BCAS3: variants seen among roughly 807,000 people sequenced by gnomAD.
The protein encoded by BCAS3 is BCAS3 microtubule associated cell migration factor, also known as BCAS4/BCAS3 fusion.
A neutral mutation model predicts 116.1 loss-of-function variants in BCAS3; 53 were observed. That is an observed-to-expected ratio of 0.46 (90% CI 0.37 to 0.57). The LOEUF (loss-of-function observed/expected upper bound fraction) is 0.57, where lower values mean the gene tolerates loss of function less well. Ranked by LOEUF, BCAS3 falls within the 20% of genes least tolerant of loss-of-function variation. The pLI is 0.00. For synonymous variants in BCAS3, 391 were observed against 408.2 expected (o/e 0.96, Z 0.51); for missense variants, 917 against 1,165.4 (o/e 0.79, Z 3.10).
chr17:61,129,450 G>C (rs1243342755), intron 22 of BCAS3, among the ~76,000 whole-genome samples: 1 of 152,198 alleles, frequency 6.6e-6, no homozygotes, highest in Non-Finnish European at 1.5e-5. Context: ...CTGAGCAAAG[G>C]TTGTACTTTT....
At chr17:61,190,526 CAAAAAA>C (rs71148387) in intron 22 of BCAS3, among the ~76,000 whole-genome samples, 2 of 43,906 alleles carry the variant, frequency 4.6e-5, no homozygotes, top group East Asian at 8.4e-4. Context: ...GACTCCATCT[CAAAAAA>C]AAAAAAAAAA....
chr17:60,886,645 G>A (rs995045835), intron 9 of BCAS3, among the ~76,000 whole-genome samples: 1 of 151,750 alleles, frequency 6.6e-6, no homozygotes, highest in African/African-American at 2.4e-5. Context: ...CTTTCTGTTT[G>A]TTAGTTTTCC....
chr17:61,321,942 G>T (rs570817813), intron 22 of BCAS3, among the ~76,000 whole-genome samples: 116 of 151,354 alleles, frequency 7.7e-4, no homozygotes, highest in African/African-American at 2.4e-3. Context: ...TTGTTTGTTT[G>T]TTTTTTTTGA....
Position 61,279,021 on chromosome 17 carries a change from C to T in BCAS3, c.2426-89306C>T, listed in dbSNP as rs1284852692. Among the ~76,000 whole-genome samples, 3 of 151,224 alleles carry T rather than the reference C, an allele frequency of 2.0e-5. No homozygotes were observed. Among genetic ancestry groups the T allele is most frequent in the Admixed American group, 6.6e-5 (1 of 15,140 alleles). On this transcript the variant is annotated intron_variant, in intron 22 of 23. Transcript: ENST00000407086. This position sits in a 1 kb window ranked among gnomAD's most constrained non-coding sequence, Gnocchi z 4.4. Reference sequence around the variant, plus strand: ...GCTGGAGTACAGTGGCATGTCTGGGCTCACTGCAACCTCCTCCCAGATTCA... The same window carrying T: ...GCTGGAGTACAGTGGCATGTCTGGGTTCACTGCAACCTCCTCCCAGATTCA...
chr17:61,301,057 CAG>C (rs1175237059), intron 22 of BCAS3, among the ~76,000 whole-genome samples: 1 of 152,222 alleles, frequency 6.6e-6, no homozygotes, highest in African/African-American at 2.4e-5. Flanking sequence ...ATTAACTAAA[CAG>C]AATTCATCAC....
intron 7 of BCAS3, among the ~76,000 whole-genome samples, chr17:60,852,525 CTT>C (rs896625825): frequency 6.6e-6 from 1 of 152,062 alleles, no homozygotes; most frequent in African/African-American, 2.4e-5. Context: ...ACTGGAATAA[CTT>C]TAAAAAAGAA....
rs560620888 is a variant in BCAS3 at position 61,147,792 on chromosome 17, G to C, written c.2425+63228G>C. ...ACCTGAGGTTGGGAGTTCAAGACCA[G>C]CCTGACCAACATGGAGAAACCCCAT... On this transcript the variant is annotated intron_variant, in intron 22 of 23. Coordinates refer to ENST00000407086, the MANE Select transcript of BCAS3 (RefSeq NM_017679.5). 2.4e-3 allele frequency among the ~76,000 whole-genome samples: 362 copies of C among 152,152 alleles called. 1 individual carries two copies. The highest frequency in any genetic ancestry group is 8.3e-3 in the African/African-American group (346 of 41,552).
intron 22 of BCAS3, among the ~76,000 whole-genome samples, chr17:61,253,938 C>G (rs1377446454): frequency 6.6e-6 from 1 of 151,988 alleles, no homozygotes; most frequent in Non-Finnish European, 1.5e-5. Context: ...GTAGAGCTCT[C>G]TTGTCTAATT....
chr17:61,031,786 T>C (rs937900549), intron 16 of BCAS3, among the ~76,000 whole-genome samples: 1 of 151,994 alleles, frequency 6.6e-6, no homozygotes, highest in African/African-American at 2.4e-5. Flanking sequence ...ACTAATGAAA[T>C]TTAAGGCCCT....
rs763314530 is a variant in BCAS3, at chr17:61,392,006, C to G, written c.2623C>G (p.Leu875Val). Residue 875 changes from leucine (L) to valine (V), a missense_variant, in exon 24 of 24, where the codon CTG becomes GTG. Around this residue, in one of 3 missense-constraint regions of BCAS3, gnomAD observed 109 missense variants for 122.8 expected, o/e 0.89. Transcript: ENST00000407086. The surrounding 1 kb of genome is among the most constrained non-coding windows in gnomAD (Gnocchi z 6.4). ...TCAGCGAGAGGGAAGCATCGAGACT[C>G]TGAGTAACAGCTCAGGCTCCACCAG... ...ELQREGSIET[L>V]SNSSGSTSGS... 2 of 1,613,806 alleles carry G rather than the reference C, an allele frequency of 1.2e-6. No individual in the cohort carries two copies. Among genetic ancestry groups the G allele is most frequent in the South Asian group, 1.1e-5 (1 of 91,084 alleles).
intron 6 of BCAS3, among the ~76,000 whole-genome samples, chr17:60,787,452 G>T (rs1008704675): frequency 2.6e-5 from 4 of 152,210 alleles, no homozygotes; most frequent in Admixed American, 6.5e-5. Context: ...CAGTTTTTCT[G>T]CTGATGGAAT....
intron 14 of BCAS3, among the ~76,000 whole-genome samples, chr17:60,979,353 T>G (rs1306550479): frequency 6.7e-6 from 1 of 148,444 alleles, no homozygotes; most frequent in East Asian, 2.0e-4. Flanking sequence ...ACATTGATTT[T>G]GTATCCTGAG....
intron 15 of BCAS3, among the ~76,000 whole-genome samples, chr17:61,009,464 C>G (rs768806639): frequency 9.2e-5 from 14 of 151,798 alleles, no homozygotes; most frequent in African/African-American, 3.4e-4. Context: ...ACAAAAATTT[C>G]TCTCTCTCTC....
rs1291749741 is a variant in BCAS3, at chr17:61,348,028, C to T, written c.2426-20299C>T. On this transcript the variant is annotated intron_variant, in intron 22 of 23. Transcript: ENST00000407086. The surrounding 1 kb of genome is among the most constrained non-coding windows in gnomAD (Gnocchi z 4.5). ...TGTAGAAAAGGTCACCCAGGTGGCA[C>T]TAGGAAGAATGAATTGAAGGGAAGC... 6.6e-6 allele frequency among the ~76,000 whole-genome samples: 1 copy of T among 152,090 alleles called. No homozygotes were observed. The highest frequency in any genetic ancestry group is 1.5e-5 in the Non-Finnish European group (1 of 68,032).
In BCAS3 at chr17:61,037,948, G is replaced by A. The variant is rs1198912140; in HGVS notation, c.1822G>A (p.Val608Met). Residue 608 changes from valine (V) to methionine (M), a missense_variant, in exon 18 of 24, where the codon GTG becomes ATG. By Grantham distance (21) the Val-to-Met change is conservative. This residue lies in a region of BCAS3 where 807 missense variants were observed against 1,026.0 expected (regional missense o/e 0.79). Coordinates refer to ENST00000407086, the MANE Select transcript of BCAS3 (RefSeq NM_017679.5). This position sits in a 1 kb window ranked among gnomAD's most constrained non-coding sequence, Gnocchi z 4.7. Reference protein sequence around the residue: ...LYIISCYGTLVEHMMEPRPLS... With the variant: ...LYIISCYGTLMEHMMEPRPLS... Reference sequence around the variant, plus strand: ...CATTATCAGTTGCTATGGCACCTTAGTGGAACACATGATGGAGCCGCGACC... The same window carrying A: ...CATTATCAGTTGCTATGGCACCTTAATGGAACACATGATGGAGCCGCGACC... 6.2e-7 allele frequency: 1 copy of A among 1,614,060 alleles called. No homozygotes were observed. The highest frequency in any genetic ancestry group is 8.5e-7 in the Non-Finnish European group (1 of 1,179,944).
intron 22 of BCAS3, among the ~76,000 whole-genome samples, chr17:61,195,434 AC>A (rs2080419911): frequency 5.3e-5 from 8 of 152,114 alleles, no homozygotes. Flanking sequence ...ATCATGGCTC[AC>A]TGCAGCCTCA....
At chr17:61,280,257 G>A (rs1213387552) in intron 22 of BCAS3, among the ~76,000 whole-genome samples, 3 of 152,190 alleles carry the variant, frequency 2.0e-5, no homozygotes, top group Non-Finnish European at 2.9e-5. Flanking sequence ...TTTGAATGAA[G>A]AAAGACATTA....
At chr17:60,698,337 GT>G (rs2035917389) in intron 4 of BCAS3, among the ~76,000 whole-genome samples, 1 of 151,962 alleles carries the variant, frequency 6.6e-6, no homozygotes, top group African/African-American at 2.4e-5. Context: ...CAAAATTAAG[GT>G]TTTTGTTCAA....
chr17:60,717,234 GAGAC>G (rs1333428412), intron 5 of BCAS3, among the ~76,000 whole-genome samples: 1 of 122,994 alleles, frequency 8.1e-6, no homozygotes, highest in Non-Finnish European at 1.7e-5. Context: ...TTTTTTTTGT[GAGAC>G]AGAGTCTCTC....
Sources: gnomAD v4.1 joint callset for allele counts (sites outside exome capture counted in the v4.1 genomes callset) on GRCh38, gnomAD v4.1.1 for gene constraint, gnomAD v4.1.1 regional missense constraint, Gnocchi (gnomAD v3.1) non-coding constraint, MANE v1.5 for transcripts, NCBI Gene and HGNC (gene_info 2026-07-23, HGNC 2026-07-21) for gene names.